The following NDC1 variants were observed in gnomAD, a reference collection of about 807,000 sequenced individuals.
NDC1 encodes the protein NDC1 transmembrane nucleoporin, also known as nucleoporin NDC1.
In NDC1, 24 loss-of-function variants were observed where a neutral mutation model predicts 89.8. The observed-to-expected ratio is 0.27, with a 90% CI of 0.19 to 0.38. The LOEUF (loss-of-function observed/expected upper bound fraction) is 0.38. Among genes scored for constraint, NDC1 ranks in the 10% least tolerant of loss-of-function variants. The probability of loss-of-function intolerance (pLI) is 1.00; values close to 1 mark genes in which losing one functional copy is unlikely to be tolerated. For missense variants in NDC1, 728 were observed against 797.6 expected (o/e 0.91, Z 1.05); for synonymous variants, 296 against 284.8 (o/e 1.04, Z -0.39).
At chr1:53,803,398 T>G (rs752712202) in intron 10 of NDC1, among the ~76,000 whole-genome samples, 1 of 151,958 alleles carries the variant, frequency 6.6e-6, no homozygotes, top group Non-Finnish European at 1.5e-5. Flanking sequence ...TGTATTTTTC[T>G]GCCCTAAAAT....
At chr1:53,769,332 T>G (rs181678052) in intron 17 of NDC1, among the ~76,000 whole-genome samples, 3 of 152,212 alleles carry the variant, frequency 2.0e-5, no homozygotes, top group Middle Eastern at 3.2e-3. Flanking sequence ...AGAGATCTAA[T>G]GTATAACATG....
rs1274466253 is a variant in NDC1 at position 53,766,602 on chromosome 1, A to G, written c.*1368T>C. 1.3e-5 allele frequency: 2 copies of G among 152,232 alleles called. No individual in the cohort carries two copies. Among genetic ancestry groups the G allele is most frequent in the Non-Finnish European group, 2.9e-5 (2 of 68,048 alleles). The allele number at this position is 152,232 out of a possible 1,614,324, so 9.4% of individuals were successfully genotyped here. The stretch of plus-strand genomic sequence containing the variant: ...GATATGCTCAAGGCCAGTAGCACCT[A>G]TTTATAATTTGGCATGTACTGCTTG... On this transcript the variant is annotated 3_prime_UTR_variant, in exon 18 of 18. Coordinates refer to ENST00000371429, the MANE Select transcript of NDC1 (RefSeq NM_018087.5).
intron 2 of NDC1, among the ~76,000 whole-genome samples, chr1:53,833,246 C>T (rs547271020): frequency 1.8e-4 from 27 of 152,050 alleles, no homozygotes; most frequent in Admixed American, 1.5e-3. Context: ...CACTGCAATC[C>T]GCCTCCTGGG....
chr1:53,775,256 T>C (rs1397680403), intron 16 of NDC1, among the ~76,000 whole-genome samples: 2 of 152,256 alleles, frequency 1.3e-5, no homozygotes, highest in East Asian at 3.9e-4. Context: ...ACATTTTCTT[T>C]TTCTTTCTTT....
intron 3 of NDC1, among the ~76,000 whole-genome samples, chr1:53,830,920 C>G (rs1649042588): frequency 6.6e-6 from 1 of 150,380 alleles, no homozygotes; most frequent in African/African-American, 2.4e-5. Flanking sequence ...ATCTGTTTCT[C>G]TCAAAAAAAA....
chr1:53,818,217 A>C (rs1570222202), intron 6 of NDC1, among the ~76,000 whole-genome samples: 1 of 152,094 alleles, frequency 6.6e-6, no homozygotes, highest in African/African-American at 2.4e-5. Flanking sequence ...TGGGCGGATC[A>C]CCTGAGGTCA....
chr1:53,796,634 C>T (rs1647711830), intron 13 of NDC1, 55 bp downstream of exon 13: 1 of 1,102,606 alleles, frequency 9.1e-7, no homozygotes, highest in South Asian at 1.6e-5. Flanking sequence ...ATGTGAGATC[C>T]TTAATGTTCT....
chr1:53,798,135 C>CTTTTTT (rs1553148461), intron 11 of NDC1, among the ~76,000 whole-genome samples: 3 of 106,402 alleles, frequency 2.8e-5, no homozygotes, highest in Non-Finnish European at 5.9e-5. Flanking sequence ...ATTCCATCTT[C>CTTTTTT]TTTTTATTAT....
intron 5 of NDC1, among the ~76,000 whole-genome samples, chr1:53,821,133 T>A (rs917313994): frequency 6.6e-6 from 1 of 152,016 alleles, no homozygotes; most frequent in African/African-American, 2.4e-5. Flanking sequence ...GCCTACAGTA[T>A]CTTACAAAAA....
At chr1:53,791,391 G>A (rs748462226) in intron 14 of NDC1, among the ~76,000 whole-genome samples, 27 of 150,036 alleles carry the variant, frequency 1.8e-4, no homozygotes, top group Non-Finnish European at 2.4e-4. Context: ...AGCCCAGATC[G>A]CGCCACCGCA....
At chr1:53,822,328 C>G (rs1648698779) in intron 5 of NDC1, among the ~76,000 whole-genome samples, 1 of 151,932 alleles carries the variant, frequency 6.6e-6, no homozygotes, top group South Asian at 2.1e-4. Flanking sequence ...GAGCAAAACT[C>G]CGTCTCAAAA....
At chr1:53,785,557 A>C (rs1647281638) in intron 16 of NDC1, among the ~76,000 whole-genome samples, 1 of 152,086 alleles carries the variant, frequency 6.6e-6, no homozygotes, top group South Asian at 2.1e-4. Flanking sequence ...GAAATGGAGA[A>C]GCATATTTCC....
At chr1:53,810,886 C>A (rs948146542) in intron 6 of NDC1, among the ~76,000 whole-genome samples, 6 of 152,196 alleles carry the variant, frequency 3.9e-5, no homozygotes, top group African/African-American at 1.4e-4. Flanking sequence ...CAAGAGGACC[C>A]ACAGACCCTC....
chr1:53,829,001 C>T (rs1648967294), intron 3 of NDC1, among the ~76,000 whole-genome samples: 1 of 152,140 alleles, frequency 6.6e-6, no homozygotes. Flanking sequence ...TAGGTAAATA[C>T]TGACAACATA....
intron 3 of NDC1, among the ~76,000 whole-genome samples, chr1:53,828,599 AT>A (rs747948743): frequency 6.0e-5 from 9 of 149,034 alleles, no homozygotes; most frequent in African/African-American, 1.3e-4. Flanking sequence ...TTATTTATTT[AT>A]TTTATTTTAT....
intron 2 of NDC1, among the ~76,000 whole-genome samples, chr1:53,832,852 A>G (rs1649109516): frequency 6.6e-6 from 1 of 152,058 alleles, no homozygotes; most frequent in African/African-American, 2.4e-5. Flanking sequence ...ATCTCTACAA[A>G]AATACAAAGA....
intron 9 of NDC1, among the ~76,000 whole-genome samples, chr1:53,805,159 C>T (rs1025335315): frequency 2.0e-5 from 3 of 152,040 alleles, no homozygotes; most frequent in Non-Finnish European, 4.4e-5. Context: ...GTGATCAAAA[C>T]TGGGTTCTAA....
chr1:53,771,827 A>C (rs1447421451), intron 17 of NDC1, among the ~76,000 whole-genome samples: 3 of 152,126 alleles, frequency 2.0e-5, no homozygotes, highest in Non-Finnish European at 4.4e-5. Context: ...ACTAAATATA[A>C]ACAGGCTTGG....
At chr1:53,811,897 T>C (rs1648320113) in intron 6 of NDC1, among the ~76,000 whole-genome samples, 1 of 152,082 alleles carries the variant, frequency 6.6e-6, no homozygotes, top group Admixed American at 6.5e-5. Flanking sequence ...CTGGTATCCA[T>C]GCCTGAGAGA....
Sources: gnomAD v4.1 joint callset for allele counts (sites outside exome capture counted in the v4.1 genomes callset) on GRCh38, gnomAD v4.1.1 for gene constraint, MANE v1.5 for transcripts, NCBI Gene and HGNC (gene_info 2026-07-23, HGNC 2026-07-21) for gene names.